Variants in DMXL1 observed in about 807,000 individuals in gnomAD.
The protein encoded by DMXL1 is Dmx like 1.
DMXL1 carries 99 observed loss-of-function variants against 319.2 expected under a neutral mutation model. The ratio of observed to expected loss-of-function variants is 0.31; its 90% CI spans 0.26 to 0.37. The LOEUF (loss-of-function observed/expected upper bound fraction) is 0.37. Ranked by LOEUF, DMXL1 falls within the 10% of genes least tolerant of loss-of-function variation. DMXL1 has a pLI of 1.00. For missense variants in DMXL1, 3,745 were observed against 3,595.6 expected (o/e 1.04, Z -1.06); for synonymous variants, 1,385 against 1,235.2 (o/e 1.12, Z -2.54).
At chr5:119,104,504 A>G (rs1757919035) in intron 3 of DMXL1, among the ~76,000 whole-genome samples, 1 of 152,216 alleles carries the variant, frequency 6.6e-6, no homozygotes, top group Non-Finnish European at 1.5e-5. Flanking sequence ...CCACATTAAG[A>G]GAGTATGAAT....
chr5:119,179,266 A>G (rs1279956563), intron 28 of DMXL1, among the ~76,000 whole-genome samples: 1 of 149,618 alleles, frequency 6.7e-6, no homozygotes, highest in African/African-American at 2.5e-5. Flanking sequence ...ATTTCATTCT[A>G]TATTGGTGTT....
intron 1 of DMXL1, among the ~76,000 whole-genome samples, chr5:119,077,787 G>GTATA (rs1554081000): frequency 1.5e-5 from 2 of 136,678 alleles, no homozygotes; most frequent in Non-Finnish European, 3.1e-5. Context: ...GTGTGTGTGT[G>GTATA]TATATCTGTA....
chr5:119,073,107 G>C (rs1276977776), intron 1 of DMXL1, among the ~76,000 whole-genome samples: 1 of 152,198 alleles, frequency 6.6e-6, no homozygotes, highest in African/African-American at 2.4e-5. Context: ...CTGTCACCTA[G>C]GCTGGAGTGC....
chr5:119,120,852 A>T (rs964839974), intron 8 of DMXL1, 119 bp from the exon 9 acceptor site: 28 of 783,292 alleles, frequency 3.6e-5, no homozygotes, highest in Non-Finnish European at 5.0e-5. Flanking sequence ...GCGTTTTTAC[A>T]TATAAAACAT....
chr5:119,203,175 A>T, intron 32 of DMXL1, 144 bp from the exon 33 acceptor site: 1 of 503,458 alleles, frequency 2.0e-6, no homozygotes, highest in Non-Finnish European at 3.6e-6. Context: ...TCCTTTAAGG[A>T]AAAGGTTGGC....
intron 40 of DMXL1, 69 bp downstream of exon 40, chr5:119,237,483 T>C: frequency 1.1e-6 from 1 of 935,996 alleles, no homozygotes; most frequent in Non-Finnish European, 1.7e-6. Flanking sequence ...GAATACGTAT[T>C]TGAGACAAGA....
intron 23 of DMXL1, among the ~76,000 whole-genome samples, 176 bp from the exon 24 acceptor site, chr5:119,170,014 T>C (rs1774229967): frequency 6.6e-6 from 1 of 152,198 alleles, no homozygotes; most frequent in Admixed American, 6.5e-5. Context: ...TGTTAGAACA[T>C]GTTCATTATA....
rs11301800 is a variant in DMXL1, at chr5:119,165,286, TAAAA to T, written c.4970+21_4970+24del. 0.017 allele frequency: 15,096 copies of T among 867,234 alleles called. No homozygotes were observed. The highest frequency in any genetic ancestry group is 0.033 in the South Asian group (1,657 of 50,282). 53.7% of individuals were successfully genotyped at this position (867,234 alleles called of 1,614,324 possible). A position where few individuals can be genotyped will look rare whatever the true frequency, so the allele number is the denominator to read the frequency against. On this transcript the variant is annotated splice_region_variant and intron_variant, in intron 21 of 43. Transcript: ENST00000539542. ...GTGATTTGGGGATTATATAGGTAGG[TAAAA>T]AAAAAAAAAAAAAAGGGTGCTTCAA...
At chr5:119,129,624 G>T (rs1412911539) in intron 10 of DMXL1, among the ~76,000 whole-genome samples, 2 of 152,126 alleles carry the variant, frequency 1.3e-5, no homozygotes, top group African/African-American at 2.4e-5. Flanking sequence ...AGGACTGGGG[G>T]TTCTCATTCT....
In DMXL1 at chr5:119,134,349, C is replaced by G; in HGVS notation, c.2336C>G (p.Ala779Gly). 1 of 1,613,310 alleles carries G rather than the reference C, an allele frequency of 6.2e-7. No homozygotes were observed. Among genetic ancestry groups the G allele is most frequent in the Non-Finnish European group, 8.5e-7 (1 of 1,179,728 alleles). ...AGATTATATGAAGCAGTTATTGATG[C>G]TAAGAAACTTTTATCTGAGCTTTCT... ...YLRLYEAVIDAKKLLSELSNP... is the reference protein window; with the variant it reads ...YLRLYEAVIDGKKLLSELSNP... The change falls in exon 13 of 44, where the codon GCT becomes GGT. Residue 779 changes from alanine (A) to glycine (G), a missense_variant. Around this residue, in one of 4 missense-constraint regions of DMXL1, gnomAD observed 2,096 missense variants for 1,985.4 expected, o/e 1.06. Transcript: ENST00000539542.
intron 7 of DMXL1, 45 bp downstream of exon 7, chr5:119,116,381 T>A: frequency 6.4e-7 from 1 of 1,569,728 alleles, no homozygotes; most frequent in Non-Finnish European, 8.7e-7. Context: ...GGGAGCATCA[T>A]CTTTGTTACT....
At chr5:119,223,455 G>T (rs1466103268) in intron 37 of DMXL1, among the ~76,000 whole-genome samples, 4 of 152,172 alleles carry the variant, frequency 2.6e-5, no homozygotes, top group African/African-American at 9.7e-5. Flanking sequence ...AATGGTATTG[G>T]ACGTATAGTA....
chr5:119,198,279 G>A (rs530986103), intron 32 of DMXL1, among the ~76,000 whole-genome samples: 24 of 152,246 alleles, frequency 1.6e-4, no homozygotes, highest in South Asian at 8.3e-4. Flanking sequence ...GTGAGCCACC[G>A]CACCTGCCCT....
intron 10 of DMXL1, chr5:119,132,515 C>T (rs1014917609): frequency 2.0e-4 from 51 of 249,086 alleles, no homozygotes; most frequent in African/African-American, 1.0e-3. Flanking sequence ...CCCGTCTCTA[C>T]TAAAAAGTAC....
At chr5:119,165,596 T>C (rs1234640946) in intron 21 of DMXL1, among the ~76,000 whole-genome samples, 3 of 152,174 alleles carry the variant, frequency 2.0e-5, no homozygotes, top group African/African-American at 7.2e-5. Context: ...AATAAAGACA[T>C]ACCCAAGACT....
Position 119,149,321 on chromosome 5 carries a change from A to G in DMXL1, c.3494A>G (p.Tyr1165Cys). The G allele has an allele frequency of 1.2e-6, 2 of 1,613,988 alleles. No individual in the cohort carries two copies. Among genetic ancestry groups the G allele is most frequent in the East Asian group, 2.2e-5 (1 of 44,880 alleles). The change falls in exon 18 of 44, where the codon TAT becomes TGT. Residue 1165 changes from tyrosine (Y) to cysteine (C), a missense_variant. By Grantham distance (194) the Tyr-to-Cys change is radical (BLOSUM62 -2). This residue lies in a region of DMXL1 where 2,096 missense variants were observed against 1,985.4 expected (regional missense o/e 1.06). Transcript: ENST00000539542. ...TVGIGSKLFM[Y>C]GPLAGKVQDQ... ...GGAATTGGATCAAAACTTTTTATGTATGGACCCCTGGCTGGCAAGGTACAA... is the reference window on the plus strand; with the variant it reads ...GGAATTGGATCAAAACTTTTTATGTGTGGACCCCTGGCTGGCAAGGTACAA...
chr5:119,121,604 T>TCA (rs907296721), intron 9 of DMXL1, among the ~76,000 whole-genome samples: 8 of 152,268 alleles, frequency 5.3e-5, no homozygotes, highest in African/African-American at 1.7e-4. Context: ...GGGGGTAAGG[T>TCA]CACAGATCAA....
At position 119,133,937 on chromosome 5, in the gene DMXL1, A is replaced by G. The variant is rs1252831180; in HGVS notation, c.2013A>G (p.Gln671=). Residue 671 remains glutamine (Q), a synonymous_variant, in exon 12 of 44, where the codon CAA becomes CAG. Coordinates refer to ENST00000539542, the MANE Select transcript of DMXL1 (RefSeq NM_001290321.3). ...LRTPDVDNPE[Q]PFDALNIEEC... ...CACCAGATGTTGATAACCCAGAGCA[A>G]CCTTTTGATGCTCTAAATATTGAAG... 1 of 1,614,036 alleles carries G rather than the reference A, an allele frequency of 6.2e-7. No individual in the cohort carries two copies. Among genetic ancestry groups the G allele is most frequent in the East Asian group, 2.2e-5 (1 of 44,898 alleles).
chr5:119,195,128 T>C (rs3992621), intron 30 of DMXL1, among the ~76,000 whole-genome samples: 72,622 of 151,858 alleles, frequency 0.48, 19,569 homozygotes, highest in East Asian at 0.95. Flanking sequence ...GAAATTGGAA[T>C]CTTTGTGCAC....
Sources: allele counts gnomAD v4.1 joint callset (sites outside exome capture counted in the v4.1 genomes callset), GRCh38; gene constraint gnomAD v4.1.1; regional missense constraint gnomAD v4.1.1; transcripts MANE v1.5; gene names NCBI Gene and HGNC (gene_info 2026-07-23, HGNC 2026-07-21).